FHIT: variants seen among roughly 807,000 people sequenced by gnomAD.
FHIT encodes fragile histidine triad diadenosine triphosphatase.
FHIT carries 19 observed loss-of-function variants against 17.9 expected under a neutral mutation model. The ratio of observed to expected loss-of-function variants is 1.06; its 90% CI spans 0.74 to 1.56. The LOEUF is 1.56. Among genes scored for constraint, FHIT ranks in the 40% most tolerant of loss-of-function variants. The probability of loss-of-function intolerance (pLI) is 0.00; values close to 1 mark genes in which losing one functional copy is unlikely to be tolerated. For missense variants in FHIT, 248 were observed against 189.2 expected (o/e 1.31, Z -1.82); for synonymous variants, 81 against 69.7 (o/e 1.16, Z -0.81).
At chr3:60,706,618 A>G (rs1286879179) in intron 4 of FHIT, among the ~76,000 whole-genome samples, 1 of 152,202 alleles carries the variant, frequency 6.6e-6, no homozygotes, top group Non-Finnish European at 1.5e-5. Context: ...AGAGAAGGCG[A>G]AACACCATGT....
intron 2 of FHIT, among the ~76,000 whole-genome samples, chr3:61,141,466 C>T (rs918248720): frequency 2.0e-5 from 3 of 152,088 alleles, no homozygotes; most frequent in Non-Finnish European, 4.4e-5. Flanking sequence ...CCTGTTGTGG[C>T]AATATCAGAT....
At chr3:59,822,259 T>C (rs1700819842) in intron 8 of FHIT, among the ~76,000 whole-genome samples, 1 of 152,240 alleles carries the variant, frequency 6.6e-6, no homozygotes, top group Admixed American at 6.5e-5. Context: ...TATGAACATG[T>C]GTGTGCAAGT....
At chr3:60,129,689 T>C (rs1699450051) in intron 5 of FHIT, among the ~76,000 whole-genome samples, 1 of 152,180 alleles carries the variant, frequency 6.6e-6, no homozygotes, top group Admixed American at 6.5e-5. Flanking sequence ...GCTTTGCTTT[T>C]TTTCTCATCC....
chr3:59,833,338 A>G (rs1453929055), intron 8 of FHIT, among the ~76,000 whole-genome samples: 1 of 152,198 alleles, frequency 6.6e-6, no homozygotes, highest in South Asian at 2.1e-4. Context: ...TGTGCTTATA[A>G]GAAGACAGCC....
At chr3:60,408,714 C>T (rs888752839) in intron 5 of FHIT, among the ~76,000 whole-genome samples, 1 of 152,064 alleles carries the variant, frequency 6.6e-6, no homozygotes, top group Non-Finnish European at 1.5e-5. Context: ...TTGGTATTTC[C>T]TAAGATCTAA....
chr3:59,797,773 T>C (rs764285292), intron 8 of FHIT, among the ~76,000 whole-genome samples: 1 of 152,204 alleles, frequency 6.6e-6, no homozygotes, highest in East Asian at 1.9e-4. Context: ...GAAAAACTAA[T>C]ATAGTTCCGT....
chr3:60,591,750 G>T (rs893080488), intron 4 of FHIT, among the ~76,000 whole-genome samples: 1 of 151,990 alleles, frequency 6.6e-6, no homozygotes, highest in Non-Finnish European at 1.5e-5. Flanking sequence ...TCAAATACAC[G>T]GCAGAAGAGG....
intron 1 of FHIT, among the ~76,000 whole-genome samples, chr3:61,244,429 T>A (rs1247435482): frequency 6.6e-6 from 1 of 152,184 alleles, no homozygotes; most frequent in Non-Finnish European, 1.5e-5. Flanking sequence ...TCCATCAAAT[T>A]TAGAAAGACT....
At chr3:60,441,409 G>A (rs2030788018) in intron 5 of FHIT, among the ~76,000 whole-genome samples, 1 of 151,906 alleles carries the variant, frequency 6.6e-6, no homozygotes, top group Non-Finnish European at 1.5e-5. Flanking sequence ...TAACAATGAA[G>A]TAGCTCACTG....
intron 2 of FHIT, among the ~76,000 whole-genome samples, chr3:61,072,051 T>C (rs1215758213): frequency 3.3e-5 from 5 of 152,214 alleles, no homozygotes; most frequent in African/African-American, 9.6e-5. Context: ...TCCAGGACTT[T>C]AGAGCCAGAA....
At chr3:60,071,675 C>T (rs902899224) in intron 5 of FHIT, among the ~76,000 whole-genome samples, 3 of 152,166 alleles carry the variant, frequency 2.0e-5, no homozygotes, top group Non-Finnish European at 4.4e-5. Flanking sequence ...ATTGTCTGCC[C>T]AGACTTAAGG....
At chr3:60,154,880 A>G (rs1275852919) in intron 5 of FHIT, among the ~76,000 whole-genome samples, 1 of 152,184 alleles carries the variant, frequency 6.6e-6, no homozygotes, top group Non-Finnish European at 1.5e-5. Flanking sequence ...GTTGCAAAGA[A>G]TCCCAGCACC....
rs532275079 is a variant in FHIT at position 60,236,857 on chromosome 3, T to C, written c.104-222705A>G. On this transcript the variant is annotated intron_variant, in intron 5 of 9. Coordinates refer to ENST00000492590, the MANE Select transcript of FHIT (RefSeq NM_002012.4). ...ATTATCAGTTTCAGATCTTTTTCTATGCATTTAGCTACATATGCACATATA... is the reference window on the plus strand; with the variant it reads ...ATTATCAGTTTCAGATCTTTTTCTACGCATTTAGCTACATATGCACATATA... 1.1e-4 allele frequency among the ~76,000 whole-genome samples: 16 copies of C among 152,320 alleles called. No homozygotes were observed. The South Asian group carries it at 2.5e-3, about 24-fold the overall frequency.
intron 8 of FHIT, among the ~76,000 whole-genome samples, chr3:59,776,284 A>G (rs971856524): frequency 6.6e-6 from 1 of 152,162 alleles, no homozygotes; most frequent in Non-Finnish European, 1.5e-5. Flanking sequence ...GCTTGCACGT[A>G]TTTCCAGGGT....
Position 59,965,378 on chromosome 3 carries a change from A to G in FHIT, c.280-42964T>C, listed in dbSNP as rs111790856. ...ATTATATACTAAATCTCACAGAACT[A>G]CATAAATATCTTCTTGCTTGCTTTC... On this transcript the variant is annotated intron_variant, in intron 7 of 9. Coordinates refer to ENST00000492590, the MANE Select transcript of FHIT (RefSeq NM_002012.4). Among the ~76,000 whole-genome samples the G allele has an allele frequency of 2.9e-3, 439 of 152,296 alleles. 3 individuals are homozygous for G. Among genetic ancestry groups the G allele is most frequent in the African/African-American group, 0.01 (420 of 41,566 alleles).
chr3:60,514,200 G>T (rs905751987), intron 5 of FHIT, among the ~76,000 whole-genome samples: 23 of 152,196 alleles, frequency 1.5e-4, no homozygotes, highest in African/African-American at 1.2e-4. Context: ...ACCCAAAAAG[G>T]CTGTCACACT....
At chr3:60,761,278 A>T (rs1391397325) in intron 4 of FHIT, among the ~76,000 whole-genome samples, 1 of 152,240 alleles carries the variant, frequency 6.6e-6, no homozygotes, top group Non-Finnish European at 1.5e-5. Context: ...AATGAATACA[A>T]GATAACATAG....
chr3:59,941,715 C>A (rs1462314403), intron 7 of FHIT, among the ~76,000 whole-genome samples: 1 of 152,112 alleles, frequency 6.6e-6, no homozygotes, highest in East Asian at 1.9e-4. Context: ...GAGAGATGCA[C>A]ATTTCTGCAA....
At chr3:59,942,251 C>G (rs555344720) in intron 7 of FHIT, among the ~76,000 whole-genome samples, 1 of 152,166 alleles carries the variant, frequency 6.6e-6, no homozygotes, top group Admixed American at 6.5e-5. Context: ...TCAGCCTGCC[C>G]TTCCTATAGA....
Sources: allele counts gnomAD v4.1 joint callset (sites outside exome capture counted in the v4.1 genomes callset), GRCh38; gene constraint gnomAD v4.1.1; transcripts MANE v1.5; gene names NCBI Gene and HGNC (gene_info 2026-07-23, HGNC 2026-07-21).